RTEL1: variants seen among roughly 807,000 people sequenced by gnomAD.
The protein encoded by RTEL1 is regulator of telomere elongation helicase 1, also known as regulator of telomere length.
RTEL1 carries 86 observed loss-of-function variants against 162.2 expected under a neutral mutation model. The ratio of observed to expected loss-of-function variants is 0.53; its 90% CI spans 0.45 to 0.63. RTEL1 has a LOEUF of 0.63. Ranked by LOEUF, RTEL1 falls within the 30% of genes least tolerant of loss-of-function variation. RTEL1 has a pLI of 0.00. For synonymous variants in RTEL1, 958 were observed against 717.9 expected (o/e 1.33, Z -5.35); for missense variants, 1,941 against 1,750.2 (o/e 1.11, Z -1.95).
intron 12 of RTEL1, 50 bp downstream of exon 12, chr20:63,678,396 G>A: frequency 6.5e-7 from 1 of 1,545,894 alleles, no homozygotes; most frequent in African/African-American, 1.4e-5. Flanking sequence ...CCTAGAGCTA[G>A]AAACGGGCCA....
At chr20:63,667,030 G>C (rs368659641) in intron 7 of RTEL1, among the ~76,000 whole-genome samples, 1 of 150,682 alleles carries the variant, frequency 6.6e-6, no homozygotes, top group Non-Finnish European at 1.5e-5. Flanking sequence ...TAGTAGAGAC[G>C]GGGTTTCACC....
At chr20:63,688,468 G>A (rs531064817) in intron 20 of RTEL1, 60 bp from the exon 21 acceptor site, 7 of 1,605,582 alleles carry the variant, frequency 4.4e-6, no homozygotes, top group South Asian at 3.3e-5. Flanking sequence ...GCTCCTGCTT[G>A]CCCTCATCGG....
chr20:63,662,759 G>C, intron 5 of RTEL1, 70 bp from the exon 6 acceptor site: 1 of 1,596,858 alleles, frequency 6.3e-7, no homozygotes, highest in Non-Finnish European at 8.6e-7. Context: ...AGGACCTGGT[G>C]GGGGTGGGGA....
chr20:63,672,744 G>A, intron 9 of RTEL1, 123 bp downstream of exon 9: 1 of 789,744 alleles, frequency 1.3e-6, no homozygotes, highest in Non-Finnish European at 2.2e-6. Flanking sequence ...CAGGACTGGG[G>A]ACTGAGCACA....
At position 63,690,798 on chromosome 20, in the gene RTEL1, C is replaced by T. The variant is rs2090721076; in HGVS notation, c.2414-7C>T. 1 of 1,600,654 alleles carries T rather than the reference C, an allele frequency of 6.2e-7. No homozygotes were observed. Among genetic ancestry groups the T allele is most frequent in the Non-Finnish European group, 8.5e-7 (1 of 1,175,568 alleles). Reference sequence around the variant, plus strand: ...GGGCTTCACTGCGCACTCGGGTGCCCCTGCAGGGTCACCAGCTGCCGGGGA... The same window carrying T: ...GGGCTTCACTGCGCACTCGGGTGCCTCTGCAGGGTCACCAGCTGCCGGGGA... On this transcript the variant is annotated splice_polypyrimidine_tract_variant and splice_region_variant and intron_variant, in intron 26 of 34. Transcript: ENST00000360203.
At chr20:63,693,999 A>G (rs975137540) in intron 30 of RTEL1, among the ~76,000 whole-genome samples, 2 of 151,708 alleles carry the variant, frequency 1.3e-5, no homozygotes, top group African/African-American at 2.4e-5. Flanking sequence ...AGGCGGAAGC[A>G]TCTGTGTTCG....
chr20:63,678,036 C>A, intron 10 of RTEL1, 109 bp from the exon 11 acceptor site: 1 of 1,285,438 alleles, frequency 7.8e-7, no homozygotes, highest in East Asian at 2.4e-5. Flanking sequence ...TGGCCTCTTC[C>A]TTTCCATGTT....
chr20:63,687,496 C>G, intron 16 of RTEL1, 142 bp from the exon 17 acceptor site: 1 of 974,166 alleles, frequency 1.0e-6, no homozygotes, highest in Non-Finnish European at 1.5e-6. Context: ...GTTCTGACTT[C>G]TGCACAGTGG....
rs6062490 is a variant in RTEL1, at chr20:63,687,503, G to C, written c.1349-135G>C. ...CCTCCTTTGTTCTGACTTCTGCACA[G>C]TGGGCCTGGGTGGCTGCCCGCGGCT... is the stretch of plus-strand genomic sequence containing the variant. On this transcript the variant is annotated intron_variant, in intron 16 of 34. Coordinates refer to ENST00000360203, the MANE Select transcript of RTEL1 (RefSeq NM_001283009.2). 783,346 of 1,028,184 alleles carry C rather than the reference G, an allele frequency of 0.76. 304,157 individuals carry two copies. The highest frequency in any genetic ancestry group is 0.94 in the African/African-American group (58,706 of 62,334). The allele number at this position is 1,028,184 out of a possible 1,614,324, so 63.7% of individuals were successfully genotyped here. A position where few individuals can be genotyped will look rare whatever the true frequency, so the allele number is the denominator to read the frequency against.
chr20:63,662,418 G>T, intron 4 of RTEL1, 128 bp from the exon 5 acceptor site: 1 of 1,553,304 alleles, frequency 6.4e-7, no homozygotes, highest in East Asian at 2.4e-5. Context: ...CCCGGGCCAC[G>T]TTTCAGTTAT....
chr20:63,680,740 G>A (rs1459950868), intron 14 of RTEL1, 21 bp downstream of exon 14: 2 of 1,613,154 alleles, frequency 1.2e-6, no homozygotes, highest in Non-Finnish European at 1.7e-6. Context: ...CTCCTCTGTG[G>A]CATCTCCTTC....
rs1345705985 is a variant in RTEL1 at position 63,693,357 on chromosome 20, G to A, written c.2992+74G>A. ...TGTGGGCCAGAGTCCTGGGCTGCTT[G>A]GGGTGGGCATCCTCGGGCCCTGCTT... On this transcript the variant is annotated intron_variant, in intron 30 of 34. Transcript: ENST00000360203. 5 of 1,576,172 alleles carry A rather than the reference G, an allele frequency of 3.2e-6. No homozygotes were observed. In the South Asian group the frequency reaches 4.5e-5, roughly 14 times the overall value.
chr20:63,672,507 C>G, intron 8 of RTEL1, 49 bp from the exon 9 acceptor site: 1 of 1,457,910 alleles, frequency 6.9e-7, no homozygotes, highest in Non-Finnish European at 9.4e-7. Flanking sequence ...TTCCCTCTTT[C>G]CCGGCCTCTG....
At position 63,668,881 on chromosome 20, in the gene RTEL1, A is replaced by C. The variant is rs1375320834; in HGVS notation, c.699+1328A>C. 1.3e-5 allele frequency among the ~76,000 whole-genome samples: 2 copies of C among 152,064 alleles called. No individual in the cohort carries two copies. Among genetic ancestry groups the C allele is most frequent in the Non-Finnish European group, 2.9e-5 (2 of 68,000 alleles). ...GAGGACTCACCTCGCTGGTTTCAAG[A>C]CTCCTCTAAAGCTGCAGGAGTGGAG... On this transcript the variant is annotated intron_variant, in intron 8 of 34. Coordinates refer to ENST00000360203, the MANE Select transcript of RTEL1 (RefSeq NM_001283009.2). This position sits in a 1 kb window ranked among gnomAD's most constrained non-coding sequence, Gnocchi z 4.3.
At position 63,666,103 on chromosome 20, in the gene RTEL1, G is replaced by A. The variant is rs200138199; in HGVS notation, c.614+24G>A. The A allele has an allele frequency of 1.5e-4, 240 of 1,596,750 alleles. 7 individuals are homozygous for A. The South Asian group carries it at 2.1e-3, about 14-fold the overall frequency. On this transcript the variant is annotated intron_variant, in intron 7 of 34. Transcript: ENST00000360203. The stretch of plus-strand genomic sequence containing the variant: ...AGGTGAGACCCCTCAGTGAGGCCAC[G>A]ACCACTGTCCTTCCATGGCCCAGCT...
intron 2 of RTEL1, 60 bp downstream of exon 2, chr20:63,659,564 T>C (rs181776401): frequency 7.8e-7 from 1 of 1,282,722 alleles, no homozygotes; most frequent in Admixed American, 1.7e-5. Context: ...CAGGACGGGG[T>C]GTGCTTCCCT....
At chr20:63,669,693 G>A (rs1336778121) in intron 8 of RTEL1, among the ~76,000 whole-genome samples, 10 of 149,082 alleles carry the variant, frequency 6.7e-5, no homozygotes, top group African/African-American at 2.5e-4. Flanking sequence ...CATCCGGACA[G>A]ACGTTTCGCC....
rs138074015 is a variant in RTEL1 at position 63,695,389 on chromosome 20, G to A, written c.3561G>A (p.Gln1187=). 2.1e-4 allele frequency: 334 copies of A among 1,553,716 alleles called. No homozygotes were observed. In the African/African-American group the frequency reaches 4.1e-3, roughly 19 times the overall value. The part of the protein sequence containing the change: ...TQSKISSFLR[Q]RPAGTVGAGG... ...GCAAGATCTCGTCCTTCCTTAGACA[G>A]AGGCCAGCAGGGACTGTGGGGGCGG... The change falls in exon 34 of 35, where the codon CAG becomes CAA. Residue 1187 remains glutamine (Q), a synonymous_variant. Transcript: ENST00000360203.
In RTEL1 at chr20:63,695,999, CCCA is replaced by C; in HGVS notation, c.*142_*144del. On this transcript the variant is annotated 3_prime_UTR_variant, in exon 35 of 35. Transcript: ENST00000360203. ...CGCTGCAGGCCTCAGGCAGGCGGGG[CCCA>C]TGGTTGGTCCCTGCGGTGGGACCGG... The C allele has an allele frequency of 1.2e-6, 1 of 819,692 alleles. No individual in the cohort carries two copies. Among genetic ancestry groups the C allele is most frequent in the Non-Finnish European group, 1.9e-6 (1 of 529,294 alleles). The allele number at this position is 819,692 out of a possible 1,614,324, so 50.8% of individuals were successfully genotyped here. A position where few individuals can be genotyped will look rare whatever the true frequency, so the allele number is the denominator to read the frequency against.
Sources: gnomAD v4.1 joint callset for allele counts (sites outside exome capture counted in the v4.1 genomes callset) on GRCh38, gnomAD v4.1.1 for gene constraint, Gnocchi (gnomAD v3.1) non-coding constraint, MANE v1.5 for transcripts, NCBI Gene and HGNC (gene_info 2026-07-23, HGNC 2026-07-21) for gene names.